The following AGO2 variants were observed in gnomAD, a reference collection of about 807,000 sequenced individuals.
AGO2 encodes the protein protein argonaute-2.
A neutral mutation model predicts 102.3 loss-of-function variants in AGO2; 5 were observed. The ratio of observed to expected loss-of-function variants is 0.05; its 90% CI spans 0.03 to 0.10. The LOEUF (loss-of-function observed/expected upper bound fraction) is 0.10, where lower values mean the gene tolerates loss of function less well. Among genes scored for constraint, AGO2 ranks in the 10% least tolerant of loss-of-function variants. The probability of loss-of-function intolerance (pLI) is 1.00; values close to 1 mark genes in which losing one functional copy is unlikely to be tolerated. For synonymous variants in AGO2, 449 were observed against 473.1 expected (o/e 0.95, Z 0.66); for missense variants, 541 against 1,183.7 (o/e 0.46, Z 7.97).
intron 1 of AGO2, among the ~76,000 whole-genome samples, chr8:140,612,820 T>A (rs1309670762): frequency 6.6e-6 from 1 of 151,986 alleles, no homozygotes; most frequent in Admixed American, 6.6e-5. Flanking sequence ...TACCCATAAT[T>A]ATCTGAAAAG....
intron 1 of AGO2, among the ~76,000 whole-genome samples, chr8:140,618,000 C>T (rs1428789255): frequency 3.4e-5 from 5 of 146,868 alleles, no homozygotes; most frequent in East Asian, 4.1e-4. Context: ...AGAGTGAGAC[C>T]GTCTACAAAA....
Position 140,541,372 on chromosome 8 carries a change from C to T in AGO2, c.1840-14G>A. On this transcript the variant is annotated splice_polypyrimidine_tract_variant and intron_variant, in intron 14 of 18. Transcript: ENST00000220592. ...GCTGCCCACCACCTGCAGGAACAGGCAGTGAGTGTGGTCAGGGGTTCCCAA... is the reference window on the plus strand; with the variant it reads ...GCTGCCCACCACCTGCAGGAACAGGTAGTGAGTGTGGTCAGGGGTTCCCAA... 1 of 1,588,638 alleles carries T rather than the reference C, an allele frequency of 6.3e-7. No individual in the cohort carries two copies. The highest frequency in any genetic ancestry group is 8.5e-7 in the Non-Finnish European group (1 of 1,169,610).
intron 1 of AGO2, among the ~76,000 whole-genome samples, chr8:140,597,424 C>A (rs2073861190): frequency 1.3e-5 from 2 of 150,940 alleles, no homozygotes; most frequent in Non-Finnish European, 2.9e-5. Context: ...TTCTCTGACT[C>A]CGTTTCTGGC....
At chr8:140,543,885 T>C (rs778514477) in intron 14 of AGO2, among the ~76,000 whole-genome samples, 3 of 152,200 alleles carry the variant, frequency 2.0e-5, no homozygotes, top group Non-Finnish European at 4.4e-5. Flanking sequence ...TCTCATGCTG[T>C]GGGGGCACAG....
At chr8:140,532,731 T>C (rs2072619873) in intron 17 of AGO2, 116 bp from the exon 18 acceptor site, 1 of 1,182,146 alleles carries the variant, frequency 8.5e-7, no homozygotes, top group African/African-American at 1.5e-5. Context: ...ACACGGAGGC[T>C]CACGCCTGTA....
At chr8:140,625,346 T>A (rs2074262680) in intron 1 of AGO2, among the ~76,000 whole-genome samples, 1 of 152,144 alleles carries the variant, frequency 6.6e-6, no homozygotes, top group Non-Finnish European at 1.5e-5. Context: ...CCTCAGGTGA[T>A]CCGCCCGCCT....
rs538927066 is a variant in AGO2, at chr8:140,577,384, T to C, written c.216-4452A>G. Among the ~76,000 whole-genome samples the C allele has an allele frequency of 9.8e-5, 15 of 152,286 alleles. No homozygotes were observed. In the East Asian group the frequency reaches 2.5e-3, roughly 25 times the overall value. Reference sequence around the variant, plus strand: ...TGGGGCAAGGGACAACACACTTAACTGCAATGGGGCAGGTGCTTTGGGGTT... The same window carrying C: ...TGGGGCAAGGGACAACACACTTAACCGCAATGGGGCAGGTGCTTTGGGGTT... On this transcript the variant is annotated intron_variant, in intron 2 of 18. Transcript: ENST00000220592.
chr8:140,591,115 G>A (rs561116905), intron 1 of AGO2, among the ~76,000 whole-genome samples: 8 of 152,358 alleles, frequency 5.3e-5, no homozygotes, highest in East Asian at 3.9e-4. Context: ...TCCTCACAGC[G>A]GGGGCAGCGG....
At position 140,535,527 on chromosome 8, in the gene AGO2, T is replaced by C; in HGVS notation, c.2212A>G (p.Thr738Ala). 6.2e-7 allele frequency: 1 copy of C among 1,614,232 alleles called. No individual in the cohort carries two copies. The highest frequency in any genetic ancestry group is 8.5e-7 in the Non-Finnish European group (1 of 1,180,020). Residue 738 changes from threonine (T) to alanine (A), a missense_variant, in exon 17 of 19, where the codon ACG (threonine) becomes GCG (alanine). Thr to Ala is a moderately conservative substitution (Grantham distance 58). This residue lies in a region of AGO2 where 309 missense variants were observed against 735.1 expected (regional missense o/e 0.42). Coordinates refer to ENST00000220592, the MANE Select transcript of AGO2 (RefSeq NM_012154.5). ...AACTCGGTGGGGTGGGTGATTTTCG[T>C]GTCCACAGTCGTGCCTGCTGGAATG... ...GNIPAGTTVD[T>A]KITHPTEFDF...
chr8:140,611,671 T>TG (rs558723676), intron 1 of AGO2, among the ~76,000 whole-genome samples: 138 of 151,990 alleles, frequency 9.1e-4, no homozygotes, highest in African/African-American at 3.2e-3. Flanking sequence ...TATGAGGAAG[T>TG]GGGGGGTGCA....
At chr8:140,603,554 T>C (rs1264355788) in intron 1 of AGO2, among the ~76,000 whole-genome samples, 1 of 152,176 alleles carries the variant, frequency 6.6e-6, no homozygotes, top group Non-Finnish European at 1.5e-5. Flanking sequence ...GCCCAGGCCT[T>C]GGCACACGCA....
At chr8:140,564,633 C>T (rs1301759222) in intron 3 of AGO2, among the ~76,000 whole-genome samples, 1 of 152,324 alleles carries the variant, frequency 6.6e-6, no homozygotes. Context: ...TTTCCTCCAG[C>T]TTAAGCATGT....
chr8:140,570,157 A>T (rs1168639865), intron 3 of AGO2, among the ~76,000 whole-genome samples: 3 of 152,338 alleles, frequency 2.0e-5, no homozygotes, highest in Non-Finnish European at 4.4e-5. Flanking sequence ...CAGCCGGGGT[A>T]CCCCCATGCT....
At chr8:140,617,500 G>A (rs1343602142) in intron 1 of AGO2, among the ~76,000 whole-genome samples, 4 of 152,150 alleles carry the variant, frequency 2.6e-5, no homozygotes, top group Non-Finnish European at 5.9e-5. Context: ...TGATCCACCT[G>A]CCTCAGCCTC....
chr8:140,610,723 T>C (rs900242559), intron 1 of AGO2, among the ~76,000 whole-genome samples: 4 of 152,098 alleles, frequency 2.6e-5, no homozygotes, highest in Admixed American at 1.3e-4. Context: ...GGCCCCACTG[T>C]CTCTGCACCA....
rs916659201 is a variant in AGO2 at position 140,540,779 on chromosome 8, A to T, written c.2034+385T>A. The stretch of plus-strand genomic sequence containing the variant: ...TCACACTGCAGACAGGCGTCCCCAG[A>T]CGCAATGAGCTCCCCGCCTCGCAGG... On this transcript the variant is annotated intron_variant, in intron 15 of 18. Transcript: ENST00000220592. The surrounding 1 kb of genome is among the most constrained non-coding windows in gnomAD (Gnocchi z 5.0). 1.3e-5 allele frequency among the ~76,000 whole-genome samples: 2 copies of T among 151,978 alleles called. No homozygotes were observed. Among genetic ancestry groups the T allele is most frequent in the Non-Finnish European group, 2.9e-5 (2 of 67,996 alleles).
In AGO2 at chr8:140,557,385, G is replaced by C; in HGVS notation, c.879-149C>G. On this transcript the variant is annotated intron_variant, in intron 7 of 18. Transcript: ENST00000220592. This position sits in a 1 kb window ranked among gnomAD's most constrained non-coding sequence, Gnocchi z 5.9. Reference sequence around the variant, plus strand: ...AGTGAAAACCATGTCATGTGCTTTGGGTTATCTGGAATGTTTCTGAGCCCC... The same window carrying C: ...AGTGAAAACCATGTCATGTGCTTTGCGTTATCTGGAATGTTTCTGAGCCCC... 1 of 1,041,366 alleles carries C rather than the reference G, an allele frequency of 9.6e-7. No homozygotes were observed. The highest frequency in any genetic ancestry group is 1.3e-6 in the Non-Finnish European group (1 of 743,788). The allele number at this position is 1,041,366 out of a possible 1,614,324, so 64.5% of individuals were successfully genotyped here. A position where few individuals can be genotyped will look rare whatever the true frequency, so the allele number is the denominator to read the frequency against.
At chr8:140,576,384 C>T (rs1232372530) in intron 2 of AGO2, among the ~76,000 whole-genome samples, 1 of 152,158 alleles carries the variant, frequency 6.6e-6, no homozygotes, top group Non-Finnish European at 1.5e-5. Context: ...ATCACAAAGA[C>T]ACACATCTAA....
intron 1 of AGO2, among the ~76,000 whole-genome samples, chr8:140,622,355 G>C (rs1417150172): frequency 4.0e-5 from 1 of 25,006 alleles, no homozygotes; most frequent in Non-Finnish European, 8.6e-5. Context: ...AATGCACATG[G>C]GGTCTCCTCT....
Sources: gnomAD v4.1 joint callset for allele counts (sites outside exome capture counted in the v4.1 genomes callset) on GRCh38, gnomAD v4.1.1 for gene constraint, gnomAD v4.1.1 regional missense constraint, Gnocchi (gnomAD v3.1) non-coding constraint, MANE v1.5 for transcripts, NCBI Gene and HGNC (gene_info 2026-07-23, HGNC 2026-07-21) for gene names.